RP1L1: variants seen among roughly 807,000 people sequenced by gnomAD.
RP1L1 encodes the protein retinitis pigmentosa 1-like 1 protein.
RP1L1 carries 27 observed loss-of-function variants against 15.7 expected under a neutral mutation model. The ratio of observed to expected loss-of-function variants is 1.72; its 90% CI spans 1.27 to 2.38. The LOEUF is 2.38. RP1L1 is among the 30% of genes most tolerant of loss of function. The pLI, the probability that RP1L1 is intolerant of heterozygous loss-of-function variation, is 0.00. For missense variants in RP1L1, 4,798 were observed against 3,075.9 expected, an observed-to-expected ratio of 1.56 and a Z score of -13.24; for synonymous variants, 1,813 against 1,276.7, an observed-to-expected ratio of 1.42 and a Z score of -8.96.
intron 3 of RP1L1, among the ~76,000 whole-genome samples, chr8:10,613,787 A>G (rs1160578014): frequency 6.6e-6 from 1 of 151,632 alleles, no homozygotes; most frequent in Non-Finnish European, 1.5e-5. Context: ...AAGACCATTA[A>G]AAAAAGAAAA....
chr8:10,610,538 T>C lies in RP1L1; in HGVS notation c.3560A>G (p.His1187Arg). 1 of 1,613,676 alleles carries C rather than the reference T, an allele frequency of 6.2e-7. No individual in the cohort carries two copies. Residue 1187 changes from histidine (H) to arginine (R), a missense_variant, in exon 4 of 4, where the codon CAT (histidine) becomes CGT (arginine). Transcript: ENST00000382483. ...GGGCGTGAAGTTCTCCGTCATGGCATGGGACCCAAGGTCTGGCAGAGCCTG... is the reference window on the plus strand; with the variant it reads ...GGGCGTGAAGTTCTCCGTCATGGCACGGGACCCAAGGTCTGGCAGAGCCTG... The part of the protein sequence containing the change: ...WSQALPDLGS[H>R]AMTENFTPTS...
chr8:10,635,878 G>T (rs1473136635), intron 1 of RP1L1, among the ~76,000 whole-genome samples: 1 of 152,214 alleles, frequency 6.6e-6, no homozygotes, highest in African/African-American at 2.4e-5. Flanking sequence ...GATGCCTGGA[G>T]CCAGCAGACA....
rs925850287 is a variant in RP1L1 at position 10,607,071 on chromosome 8, T to C, written c.7027A>G (p.Met2343Val). The change falls in exon 4 of 4, where the codon ATG (methionine) becomes GTG (valine). Residue 2343 changes from methionine (M) to valine (V), a missense_variant. Met to Val is a conservative substitution (Grantham distance 21). Coordinates refer to ENST00000382483, the MANE Select transcript of RP1L1 (RefSeq NM_178857.6). ...TPHAERKATR[M>V]YPESSTSEQE... ...TCAGAAGTAGAACTTTCTGGGTACATCCTGGTGGCCTTCCTCTCTGCATGA... is the reference window on the plus strand; with the variant it reads ...TCAGAAGTAGAACTTTCTGGGTACACCCTGGTGGCCTTCCTCTCTGCATGA... 3 of 1,614,074 alleles carry C rather than the reference T, an allele frequency of 1.9e-6. No homozygotes were observed. In the African/African-American group the frequency reaches 4.0e-5, roughly 22 times the overall value.
At chr8:10,647,073 T>A (rs1798490386) in intron 1 of RP1L1, among the ~76,000 whole-genome samples, 2 of 152,224 alleles carry the variant, frequency 1.3e-5, no homozygotes, top group African/African-American at 4.8e-5. Flanking sequence ...GGCCCCAGGC[T>A]GGGGCAGCAG....
chr8:10,607,884 G>A lies in RP1L1; in HGVS notation c.6214C>T (p.Gln2072Ter), dbSNP rs1454531916. The A allele has an allele frequency of 1.3e-6, 2 of 1,589,050 alleles. No individual in the cohort carries two copies. Among genetic ancestry groups the A allele is most frequent in the Non-Finnish European group, 1.7e-6 (2 of 1,167,058 alleles). The stretch of plus-strand genomic sequence containing the variant: ...GGGTGGGCCTCCCCTTCTGCCTCCT[G>A]GACCTCCCCTTCAGCCTCCTGTGCC... ...EEAQEAEGEVQEAEGEAHPES... is the reference protein window; with the variant it reads ...EEAQEAEGEV The change falls in exon 4 of 4, where the codon CAG becomes TAG. Residue 2072 changes from glutamine (Q) to a stop codon, truncating the protein, a stop_gained. Transcript: ENST00000382483. LOFTEE classifies it low-confidence loss of function (END_TRUNC).
rs1797906718 is a variant in RP1L1, at chr8:10,613,139, C to G, written c.959G>C (p.Ser320Thr). The change falls in exon 4 of 4, where the codon AGC (serine) becomes ACC (threonine). Residue 320 changes from serine to threonine, a missense_variant. By Grantham distance (58) the Ser-to-Thr change is moderately conservative. Transcript: ENST00000382483. ...GCGGACTTTCATCTCCACGGACAGG[C>G]TGCCGTCCTCATTCATGCGGACCTT... is the stretch of plus-strand genomic sequence containing the variant. ...KKKVRMNEDG[S>T]LSVEMKVRFH... 6.2e-7 allele frequency: 1 copy of G among 1,613,776 alleles called. No homozygotes were observed. The highest frequency in any genetic ancestry group is 8.5e-7 in the Non-Finnish European group (1 of 1,180,014).
At chr8:10,637,219 G>A (rs569385407) in intron 1 of RP1L1, among the ~76,000 whole-genome samples, 8 of 152,286 alleles carry the variant, frequency 5.3e-5, no homozygotes, top group South Asian at 2.1e-4. Flanking sequence ...AGTAAGGGGC[G>A]TCCCCTTCAC....
chr8:10,623,112 G>A lies in RP1L1; in HGVS notation c.90C>T (p.Val30=). The change falls in exon 2 of 4, where the codon GTC becomes GTT. Residue 30 remains valine (V), a synonymous_variant. Coordinates refer to ENST00000382483, the MANE Select transcript of RP1L1 (RefSeq NM_178857.6). The stretch of plus-strand genomic sequence containing the variant: ...GGAAGGTGATCTTCTTGGCTGGCGT[G>A]ACCTTGGTGACCGAGGGGGTGCGAG... The part of the protein sequence containing the change: ...SVARTPSVTK[V]TPAKKITFLK... 6.2e-7 allele frequency: 1 copy of A among 1,613,094 alleles called. No homozygotes were observed. The highest frequency in any genetic ancestry group is 1.1e-5 in the South Asian group (1 of 90,978).
intron 1 of RP1L1, among the ~76,000 whole-genome samples, chr8:10,629,432 G>A (rs1030634738): frequency 6.6e-6 from 1 of 152,200 alleles, no homozygotes; most frequent in African/African-American, 2.4e-5. Context: ...AGCTGGAGAG[G>A]AGGAATGGAC....
At chr8:10,638,723 G>A (rs1377612128) in intron 1 of RP1L1, among the ~76,000 whole-genome samples, 3 of 152,198 alleles carry the variant, frequency 2.0e-5, no homozygotes, top group South Asian at 2.1e-4. Flanking sequence ...TGGGACTAGG[G>A]CTGAGGACAA....
intron 1 of RP1L1, among the ~76,000 whole-genome samples, chr8:10,634,219 A>G (rs935593690): frequency 5.3e-5 from 8 of 152,342 alleles, no homozygotes; most frequent in African/African-American, 1.9e-4. Flanking sequence ...CACCCGACTT[A>G]TCCACCTCCT....
Position 10,622,643 on chromosome 8 carries a change from C to T in RP1L1, c.559G>A (p.Asp187Asn), listed in dbSNP as rs773264034. 1.9e-6 allele frequency: 3 copies of T among 1,614,242 alleles called. No homozygotes were observed. The highest frequency in any genetic ancestry group is 1.1e-5 in the South Asian group (1 of 91,084). ...NLAAFLGKAS[D>N]LLRFPVKQLY... ...TGCTTCACAGGAAAGCGCAGGAGAT[C>T]TGAGGCTTTGCCGAGAAAGGCGGCC... Residue 187 changes from aspartate (D) to asparagine (N), a missense_variant, in exon 2 of 4, where the codon GAT becomes AAT. Asp to Asn is a conservative substitution (Grantham distance 23). Coordinates refer to ENST00000382483, the MANE Select transcript of RP1L1 (RefSeq NM_178857.6).
chr8:10,611,558 C>T lies in RP1L1; in HGVS notation c.2540G>A (p.Trp847Ter). The T allele has an allele frequency of 6.2e-7, 1 of 1,601,370 alleles. No homozygotes were observed. The highest frequency in any genetic ancestry group is 8.5e-7 in the Non-Finnish European group (1 of 1,174,306). Residue 847 changes from tryptophan to a stop codon, truncating the protein, a stop_gained, in exon 4 of 4, where the codon TGG (tryptophan) becomes TAG (stop). Transcript: ENST00000382483. LOFTEE classifies it low-confidence loss of function (END_TRUNC). ...GGTGGGACAGTACCTGCCACACAGC[C>T]AGCTAGCCTCAGGGGAGGGTCCCCG... The part of the protein sequence containing the change: ...AQRGPSPEAS[W>*]LCGRYCPTPP...
At position 10,606,924 on chromosome 8, in the gene RP1L1, C is replaced by A. The variant is rs766412108; in HGVS notation, c.7174G>T (p.Gly2392Cys). Residue 2392 changes from glycine to cysteine, a missense_variant, in exon 4 of 4, where the codon GGC becomes TGC. Coordinates refer to ENST00000382483, the MANE Select transcript of RP1L1 (RefSeq NM_178857.6). Reference protein sequence around the residue: ...APTEAVGRADGFGQDDLDF With the variant: ...APTEAVGRADCFGQDDLDF ...AAATCTAAGTCATCTTGGCCAAAGC[C>A]GTCTGCCCTGCCCACTGCCTCAGTG... 1 of 1,614,238 alleles carries A rather than the reference C, an allele frequency of 6.2e-7. No individual in the cohort carries two copies. Among genetic ancestry groups the A allele is most frequent in the Admixed American group, 1.7e-5 (1 of 60,028 alleles).
chr8:10,643,928 G>T (rs1425220745), intron 1 of RP1L1, among the ~76,000 whole-genome samples: 1 of 151,842 alleles, frequency 6.6e-6, no homozygotes, highest in African/African-American at 2.4e-5. Flanking sequence ...ATTGGCTGTG[G>T]TCTCTATCAA....
chr8:10,612,126 G>A lies in RP1L1; in HGVS notation c.1972C>T (p.Arg658Ter), dbSNP rs527236107. The A allele has an allele frequency of 5.0e-5, 81 of 1,613,652 alleles. No homozygotes were observed. In the East Asian group the frequency reaches 1.4e-3, roughly 28 times the overall value. Residue 658 changes from arginine (R) to a stop codon, truncating the protein, a stop_gained, in exon 4 of 4, where the codon CGA (arginine) becomes TGA (stop). Coordinates refer to ENST00000382483, the MANE Select transcript of RP1L1 (RefSeq NM_178857.6). LOFTEE classifies it low-confidence loss of function (END_TRUNC). ...CTGGGATGGCCTCTCGGGGCCACTC[G>A]GCCAAGGCCAGGGCTGCTGGGTGAG... ...MSSPSSPGLGRVAPRGHPRHS... is the reference protein window; with the variant it reads ...MSSPSSPGLG
At chr8:10,631,038 G>A (rs908714660) in intron 1 of RP1L1, among the ~76,000 whole-genome samples, 5 of 152,116 alleles carry the variant, frequency 3.3e-5, no homozygotes, top group Non-Finnish European at 5.9e-5. Flanking sequence ...TGGCTTTGCC[G>A]GGTTTGTGGG....
At position 10,622,962 on chromosome 8, in the gene RP1L1, A is replaced by G. The variant is rs1798091599; in HGVS notation, c.240T>C (p.Ser80=). ...QRVPLSFGVR[S]VTTPRGLHSL... ...TATGCAGGCCCCGGGGTGTGGTGAC[A>G]GAGCGCACCCCAAAGGAGAGAGGCA... Residue 80 remains serine (S), a synonymous_variant, in exon 2 of 4, where the codon TCT becomes TCC. Coordinates refer to ENST00000382483, the MANE Select transcript of RP1L1 (RefSeq NM_178857.6). 1 of 1,614,098 alleles carries G rather than the reference A, an allele frequency of 6.2e-7. No individual in the cohort carries two copies. Among genetic ancestry groups the G allele is most frequent in the African/African-American group, 1.3e-5 (1 of 75,040 alleles).
chr8:10,641,258 C>CACT (rs770923249), intron 1 of RP1L1, among the ~76,000 whole-genome samples: 6 of 152,158 alleles, frequency 3.9e-5, no homozygotes, highest in Non-Finnish European at 5.9e-5. Flanking sequence ...ACATGTGTGT[C>CACT]ACTACCATGT....
Sources: gnomAD v4.1 joint callset for allele counts (sites outside exome capture counted in the v4.1 genomes callset) on GRCh38, gnomAD v4.1.1 for gene constraint, MANE v1.5 for transcripts, NCBI Gene and HGNC (gene_info 2026-07-23, HGNC 2026-07-21) for gene names.